Variants in BHLHE22 observed in about 807,000 individuals in gnomAD.
The protein encoded by BHLHE22 is basic helix-loop-helix family member e22.
A neutral mutation model predicts 17.6 loss-of-function variants in BHLHE22; 8 were observed. That is an observed-to-expected ratio of 0.45 (90% CI 0.27 to 0.82). The LOEUF (loss-of-function observed/expected upper bound fraction) is 0.82, where lower values mean the gene tolerates loss of function less well. BHLHE22 is among the 40% of genes least tolerant of loss of function. The pLI, the probability that BHLHE22 is intolerant of heterozygous loss-of-function variation, is 0.16. For missense variants in BHLHE22, 570 were observed against 581.5 expected (o/e 0.98, Z 0.20); for synonymous variants, 353 against 282.7 (o/e 1.25, Z -2.49).
In BHLHE22 at chr8:64,580,968, T is replaced by G; in HGVS notation, c.178T>G (p.Ser60Ala). The G allele has an allele frequency of 7.0e-7, 1 of 1,431,810 alleles. No homozygotes were observed. The highest frequency in any genetic ancestry group is 1.5e-5 in the African/African-American group (1 of 67,578). The allele number at this position is 1,431,810 out of a possible 1,614,324, so 88.7% of individuals were successfully genotyped here. A position where few individuals can be genotyped will look rare whatever the true frequency, so the allele number is the denominator to read the frequency against. ...PRERPASSSSSPLGCFEPADP... is the reference protein window; with the variant it reads ...PRERPASSSSAPLGCFEPADP... ...GGAACGCCCGGCGTCCTCCTCCTCG[T>G]CGCCCCTGGGCTGCTTCGAGCCGGC... The change falls in exon 1 of 1, where the codon TCG (serine) becomes GCG (alanine). Residue 60 changes from serine to alanine, a missense_variant. Around this residue, in one of 3 missense-constraint regions of BHLHE22, gnomAD observed 427 missense variants for 376.2 expected, o/e 1.14. Coordinates refer to ENST00000321870, the MANE Select transcript of BHLHE22 (RefSeq NM_152414.5).
chr8:64,580,878 C>G lies in BHLHE22; in HGVS notation c.88C>G (p.Arg30Gly). The G allele has an allele frequency of 1.3e-6, 2 of 1,519,286 alleles. No individual in the cohort carries two copies. Among genetic ancestry groups the G allele is most frequent in the African/African-American group, 2.9e-5 (2 of 69,422 alleles). The allele number at this position is 1,519,286 out of a possible 1,614,324, so 94.1% of individuals were successfully genotyped here. A position where few individuals can be genotyped will look rare whatever the true frequency, so the allele number is the denominator to read the frequency against. Reference protein sequence around the residue: ...HKSLSASTSKRLEAAFRSTPP... With the variant: ...HKSLSASTSKGLEAAFRSTPP... ...GAGCCTGAGCGCCTCCACCTCCAAG[C>G]GCTTGGAAGCGGCTTTCCGCTCCAC... Residue 30 changes from arginine (R) to glycine (G), a missense_variant, in exon 1 of 1, where the codon CGC becomes GGC. By Grantham distance (125) the Arg-to-Gly change is moderately radical. Around this residue, in one of 3 missense-constraint regions of BHLHE22, gnomAD observed 427 missense variants for 376.2 expected, o/e 1.14. Coordinates refer to ENST00000321870, the MANE Select transcript of BHLHE22 (RefSeq NM_152414.5).
rs771806180 is a variant in BHLHE22 at position 64,581,654 on chromosome 8, C to G, written c.864C>G (p.Leu288=). 5 of 1,613,066 alleles carry G rather than the reference C, an allele frequency of 3.1e-6. No individual in the cohort carries two copies. In the South Asian group the frequency reaches 3.3e-5, roughly 11 times the overall value. The part of the protein sequence containing the change: ...RKLSKIATLL[L]AKNYILMQAQ... ...TCTCCAAGATCGCCACGCTGCTGCT[C>G]GCCAAGAACTACATCCTCATGCAGG... Residue 288 remains leucine (L), a synonymous_variant, in exon 1 of 1, where the codon CTC becomes CTG. Transcript: ENST00000321870. This position sits in a 1 kb window ranked among gnomAD's most constrained non-coding sequence, Gnocchi z 6.4.
In BHLHE22 at chr8:64,581,463, G is replaced by GCGGCGGCAGCAGCAGCAGCA. The variant is rs564889045; in HGVS notation, c.673_674insCGGCGGCAGCAGCAGCAGCA (p.Gly225AlafsTer41). On this transcript the variant is annotated frameshift_variant, in exon 1 of 1. Coordinates refer to ENST00000321870, the MANE Select transcript of BHLHE22 (RefSeq NM_152414.5). LOFTEE classifies it high-confidence loss of function. The surrounding 1 kb of genome is among the most constrained non-coding windows in gnomAD (Gnocchi z 6.4). ...TGGCGGTAGCGGTAGCGGCAGCGGC[G>GCGGCGGCAGCAGCAGCAGCA]GCAGCAGCAGCAGCAGCAGCAGCAG... 5.5e-6 allele frequency: 8 copies of GCGGCGGCAGCAGCAGCAGCA among 1,450,650 alleles called. No homozygotes were observed. The highest frequency in any genetic ancestry group is 6.5e-6 in the Non-Finnish European group (7 of 1,072,924). 89.9% of individuals were successfully genotyped at this position (1,450,650 alleles called of 1,614,324 possible). A position where few individuals can be genotyped will look rare whatever the true frequency, so the allele number is the denominator to read the frequency against.
At position 64,581,460 on chromosome 8, in the gene BHLHE22, GGCGGCA is replaced by G. The variant is rs1554581644; in HGVS notation, c.673_678del (p.Gly225_Ser226del). On this transcript the variant is annotated inframe_deletion, in exon 1 of 1. Transcript: ENST00000321870. This position sits in a 1 kb window ranked among gnomAD's most constrained non-coding sequence, Gnocchi z 6.4. ...CGGTGGCGGTAGCGGTAGCGGCAGCGGCGGCAGCAGCAGCAGCAGCAGCAGCAGCAG... is the reference window on the plus strand; with the variant it reads ...CGGTGGCGGTAGCGGTAGCGGCAGCGGCAGCAGCAGCAGCAGCAGCAGCAG... The G allele has an allele frequency of 6.5e-6, 10 of 1,530,676 alleles. No individual in the cohort carries two copies. Among genetic ancestry groups the G allele is most frequent in the African/African-American group, 1.4e-5 (1 of 71,138 alleles). 94.8% of individuals were successfully genotyped at this position (1,530,676 alleles called of 1,614,324 possible). A position where few individuals can be genotyped will look rare whatever the true frequency, so the allele number is the denominator to read the frequency against.
chr8:64,581,362 G>T lies in BHLHE22; in HGVS notation c.572G>T (p.Gly191Val). ...GGCTGCTCCAATGCCCACCTCCACG[G>T]CGGCGCCAGCGTCCCCCCGGGGGGC... is the stretch of plus-strand genomic sequence containing the variant. The part of the protein sequence containing the change: ...AEGCSNAHLH[G>V]GASVPPGGLG... Residue 191 changes from glycine (G) to valine (V), a missense_variant, in exon 1 of 1, where the codon GGC (glycine) becomes GTC (valine). Physicochemically the swap from Gly to Val is moderately radical, Grantham distance 109. Transcript: ENST00000321870. The surrounding 1 kb of genome is among the most constrained non-coding windows in gnomAD (Gnocchi z 6.4). 1.4e-6 allele frequency: 2 copies of T among 1,471,906 alleles called. No individual in the cohort carries two copies. Among genetic ancestry groups the T allele is most frequent in the Non-Finnish European group, 1.8e-6 (2 of 1,123,408 alleles). 91.2% of individuals were successfully genotyped at this position (1,471,906 alleles called of 1,614,324 possible).
Position 64,580,855 on chromosome 8 carries a change from G to A in BHLHE22, c.65G>A (p.Ser22Asn), listed in dbSNP as rs778769048. The A allele has an allele frequency of 4.0e-6, 6 of 1,506,752 alleles. No homozygotes were observed. The African/African-American group carries it at 7.2e-5, about 18-fold the overall frequency. 93.3% of individuals were successfully genotyped at this position (1,506,752 alleles called of 1,614,324 possible). ...AGEDDLFLHKSLSASTSKRLE... is the reference protein window; with the variant it reads ...AGEDDLFLHKNLSASTSKRLE... ...GAGGACGACCTCTTCCTGCACAAGA[G>A]CCTGAGCGCCTCCACCTCCAAGCGC... is the stretch of plus-strand genomic sequence containing the variant. The change falls in exon 1 of 1, where the codon AGC becomes AAC. Residue 22 changes from serine to asparagine, a missense_variant. Physicochemically the swap from Ser to Asn is conservative, Grantham distance 46. Around this residue, in one of 3 missense-constraint regions of BHLHE22, gnomAD observed 427 missense variants for 376.2 expected, o/e 1.14. Coordinates refer to ENST00000321870, the MANE Select transcript of BHLHE22 (RefSeq NM_152414.5).
Position 64,582,902 on chromosome 8 carries a change from C to A in BHLHE22, c.*966C>A, listed in dbSNP as rs1201859498. On this transcript the variant is annotated 3_prime_UTR_variant, in exon 1 of 1. Coordinates refer to ENST00000321870, the MANE Select transcript of BHLHE22 (RefSeq NM_152414.5). ...GAGAAATATTGATGTATCTGAGCTGCTTAGGTTTATGAAAGGTCACCTGGA... is the reference window on the plus strand; with the variant it reads ...GAGAAATATTGATGTATCTGAGCTGATTAGGTTTATGAAAGGTCACCTGGA... 5 of 166,864 alleles carry A rather than the reference C, an allele frequency of 3.0e-5. No individual in the cohort carries two copies. Among genetic ancestry groups the A allele is most frequent in the Non-Finnish European group, 7.3e-5 (5 of 68,106 alleles). The allele number at this position is 166,864 out of a possible 1,614,324, so 10.3% of individuals were successfully genotyped here.
In BHLHE22 at chr8:64,581,800, C is replaced by T; in HGVS notation, c.1010C>T (p.Ala337Val). The change falls in exon 1 of 1, where the codon GCG becomes GTG. Residue 337 changes from alanine (A) to valine (V), a missense_variant. Coordinates refer to ENST00000321870, the MANE Select transcript of BHLHE22 (RefSeq NM_152414.5). The surrounding 1 kb of genome is among the most constrained non-coding windows in gnomAD (Gnocchi z 6.4). ...GCAGCAGCTGCTGCCCTGCACCCGG[C>T]GCTCGGCGCCTACGAGCAGGCAGCC... The part of the protein sequence containing the change: ...AAAAAAALHP[A>V]LGAYEQAAGY... 1 of 1,590,592 alleles carries T rather than the reference C, an allele frequency of 6.3e-7. No individual in the cohort carries two copies.
At position 64,581,036 on chromosome 8, in the gene BHLHE22, AGGCGGCGGCGGCAGCGCGGGAAGT is replaced by A. The variant is rs1329519083; in HGVS notation, c.259_282del (p.Ser87_Gly94del). 10 of 1,319,496 alleles carry A rather than the reference AGGCGGCGGCGGCAGCGCGGGAAGT, an allele frequency of 7.6e-6. No homozygotes were observed. The highest frequency in any genetic ancestry group is 2.2e-5 in the South Asian group (1 of 44,782). The allele number at this position is 1,319,496 out of a possible 1,614,324, so 81.7% of individuals were successfully genotyped here. On this transcript the variant is annotated inframe_deletion, in exon 1 of 1. Transcript: ENST00000321870. This position sits in a 1 kb window ranked among gnomAD's most constrained non-coding sequence, Gnocchi z 6.4. ...GGCTGCTGTTGCCGCCGCCTGGAGG[AGGCGGCGGCGGCAGCGCGGGAAGT>A]GGCGGCGGCGGCGGCGGCGGGGTGG... is the stretch of plus-strand genomic sequence containing the variant.
rs34856132 is a variant in BHLHE22 at position 64,581,136 on chromosome 8, C to G, written c.346C>G (p.Leu116Val). 1.4e-6 allele frequency: 2 copies of G among 1,405,578 alleles called. No individual in the cohort carries two copies. Among genetic ancestry groups the G allele is most frequent in the East Asian group, 5.7e-5 (2 of 35,192 alleles). The allele number at this position is 1,405,578 out of a possible 1,614,324, so 87.1% of individuals were successfully genotyped here. A position where few individuals can be genotyped will look rare whatever the true frequency, so the allele number is the denominator to read the frequency against. Reference sequence around the variant, plus strand: ...AGCCGGCGTTGGGGGCGACCCTAGCCTAAGCAGCCTGCCGGCCGGGGCCGC... The same window carrying G: ...AGCCGGCGTTGGGGGCGACCCTAGCGTAAGCAGCCTGCCGGCCGGGGCCGC... ...GSAGVGGDPSLSSLPAGAALC... is the reference protein window; with the variant it reads ...GSAGVGGDPSVSSLPAGAALC... Residue 116 changes from leucine (L) to valine (V), a missense_variant, in exon 1 of 1, where the codon CTA becomes GTA. Transcript: ENST00000321870. The surrounding 1 kb of genome is among the most constrained non-coding windows in gnomAD (Gnocchi z 6.4).
chr8:64,582,038 T>TG lies in BHLHE22; in HGVS notation c.*103dup. ...GGTCCTCTCGTAGTTGTGAAACACT[T>TG]GCAGAGCAAACAAAGCAGAGGCAAG... is the stretch of plus-strand genomic sequence containing the variant. On this transcript the variant is annotated 3_prime_UTR_variant, in exon 1 of 1. Transcript: ENST00000321870. 1 of 1,385,870 alleles carries TG rather than the reference T, an allele frequency of 7.2e-7. No individual in the cohort carries two copies. Among genetic ancestry groups the TG allele is most frequent in the South Asian group, 1.3e-5 (1 of 75,694 alleles). The allele number at this position is 1,385,870 out of a possible 1,614,324, so 85.8% of individuals were successfully genotyped here. A position where few individuals can be genotyped will look rare whatever the true frequency, so the allele number is the denominator to read the frequency against.
rs752489001 is a variant in BHLHE22, at chr8:64,581,197, G to A, written c.407G>A (p.Gly136Asp). Residue 136 changes from glycine to aspartate, a missense_variant, in exon 1 of 1, where the codon GGC becomes GAC. Physicochemically the swap from Gly to Asp is moderately conservative, Grantham distance 94. Around this residue, in one of 3 missense-constraint regions of BHLHE22, gnomAD observed 427 missense variants for 376.2 expected, o/e 1.14. Coordinates refer to ENST00000321870, the MANE Select transcript of BHLHE22 (RefSeq NM_152414.5). This position sits in a 1 kb window ranked among gnomAD's most constrained non-coding sequence, Gnocchi z 6.4. ...CLKYGESASR[G>D]SVAESSGGEQ... ...AAGTACGGCGAAAGCGCGAGCCGGG[G>A]CTCGGTGGCCGAGAGCAGCGGCGGC... The A allele has an allele frequency of 2.8e-6, 4 of 1,441,028 alleles. No homozygotes were observed. The highest frequency in any genetic ancestry group is 1.5e-5 in the African/African-American group (1 of 67,554). The allele number at this position is 1,441,028 out of a possible 1,614,324, so 89.3% of individuals were successfully genotyped here.
At position 64,581,930 on chromosome 8, in the gene BHLHE22, G is replaced by T; in HGVS notation, c.1140G>T (p.Lys380Asn). 1 of 1,611,484 alleles carries T rather than the reference G, an allele frequency of 6.2e-7. No homozygotes were observed. ...GCCTCTGCAAACAGTGCACGGAGAA[G>T]CCTTAAACACACCCCCGAAAAACAC... ...SSSLCKQCTE[K>N]P is the part of the protein sequence containing the mutation. Residue 380 changes from lysine (K) to asparagine (N), a missense_variant, in exon 1 of 1, where the codon AAG (lysine) becomes AAT (asparagine). By Grantham distance (94) the Lys-to-Asn change is moderately conservative. Around this residue, in one of 3 missense-constraint regions of BHLHE22, gnomAD observed 111 missense variants for 122.0 expected, o/e 0.91. Coordinates refer to ENST00000321870, the MANE Select transcript of BHLHE22 (RefSeq NM_152414.5). The surrounding 1 kb of genome is among the most constrained non-coding windows in gnomAD (Gnocchi z 6.4).
chr8:64,581,985 A>G lies in BHLHE22; in HGVS notation c.*49A>G. 1 of 1,584,376 alleles carries G rather than the reference A, an allele frequency of 6.3e-7. No individual in the cohort carries two copies. On this transcript the variant is annotated 3_prime_UTR_variant, in exon 1 of 1. Transcript: ENST00000321870. The surrounding 1 kb of genome is among the most constrained non-coding windows in gnomAD (Gnocchi z 6.4). ...CCGACCCAAAATCTAGAGGAAAGCG[A>G]AAAGCTGCTCCCCACCCCCTTTATT...
rs1286288034 is a variant in BHLHE22, at chr8:64,581,415, A to C, written c.625A>C (p.Ser209Arg). 3.9e-6 allele frequency: 6 copies of C among 1,533,364 alleles called. No individual in the cohort carries two copies. The highest frequency in any genetic ancestry group is 4.4e-6 in the Non-Finnish European group (5 of 1,145,136). 95.0% of individuals were successfully genotyped at this position (1,533,364 alleles called of 1,614,324 possible). Reference protein sequence around the residue: ...GLGGGGGGGSSSGSSGGGGGS... With the variant: ...GLGGGGGGGSRSGSSGGGGGS... Reference sequence around the variant, plus strand: ...GGGCGGCGGCGGCGGCGGGGGTAGCAGCAGCGGTAGCAGTGGCGGCGGTGG... The same window carrying C: ...GGGCGGCGGCGGCGGCGGGGGTAGCCGCAGCGGTAGCAGTGGCGGCGGTGG... Residue 209 changes from serine (S) to arginine (R), a missense_variant, in exon 1 of 1, where the codon AGC becomes CGC. By Grantham distance (110) the Ser-to-Arg change is moderately radical. This residue lies in a region of BHLHE22 where 427 missense variants were observed against 376.2 expected (regional missense o/e 1.14). Coordinates refer to ENST00000321870, the MANE Select transcript of BHLHE22 (RefSeq NM_152414.5). The surrounding 1 kb of genome is among the most constrained non-coding windows in gnomAD (Gnocchi z 6.4).
At position 64,583,320 on chromosome 8, in the gene BHLHE22, A is replaced by G. The variant is rs1345439478; in HGVS notation, c.*1384A>G. ...GAAAACTAAGGAAGAACAAGAAGCT[A>G]TTTACCCAAAGTGAGCTTTCAGTTT... On this transcript the variant is annotated 3_prime_UTR_variant, in exon 1 of 1. Coordinates refer to ENST00000321870, the MANE Select transcript of BHLHE22 (RefSeq NM_152414.5). 1.2e-5 allele frequency: 2 copies of G among 167,120 alleles called. No individual in the cohort carries two copies. The highest frequency in any genetic ancestry group is 2.1e-4 in the South Asian group (1 of 4,834). 10.4% of individuals were successfully genotyped at this position (167,120 alleles called of 1,614,324 possible). A position where few individuals can be genotyped will look rare whatever the true frequency, so the allele number is the denominator to read the frequency against.
Position 64,580,799 on chromosome 8 carries a change from C to CG in BHLHE22, c.12dup (p.Met5AspfsTer65). The CG allele has an allele frequency of 7.2e-7, 1 of 1,390,104 alleles. No individual in the cohort carries two copies. The highest frequency in any genetic ancestry group is 9.3e-7 in the Non-Finnish European group (1 of 1,071,404). 86.1% of individuals were successfully genotyped at this position (1,390,104 alleles called of 1,614,324 possible). On this transcript the variant is annotated frameshift_variant, in exon 1 of 1. Coordinates refer to ENST00000321870, the MANE Select transcript of BHLHE22 (RefSeq NM_152414.5). LOFTEE classifies it high-confidence loss of function. ...CGCGCCGGCGCGGGACCATGGAGCG[C>CG]GGGATGCACCTCGGTGCAGCGGCCG... is the stretch of plus-strand genomic sequence containing the variant.
Position 64,581,594 on chromosome 8 carries a change from G to A in BHLHE22, c.804G>A (p.Val268=), listed in dbSNP as rs761612980. ...ACGCGCTGGACGAGCTGCGCGCGGT[G>A]ATCCCCTACGCGCACAGCCCCTCGG... The part of the protein sequence containing the change: ...LNDALDELRA[V]IPYAHSPSVR... Residue 268 remains valine (V), a synonymous_variant, in exon 1 of 1, where the codon GTG becomes GTA. Transcript: ENST00000321870. This position sits in a 1 kb window ranked among gnomAD's most constrained non-coding sequence, Gnocchi z 6.4. 3.1e-6 allele frequency: 5 copies of A among 1,612,540 alleles called. No individual in the cohort carries two copies. Among genetic ancestry groups the A allele is most frequent in the Non-Finnish European group, 3.4e-6 (4 of 1,179,850 alleles).
rs943989376 is a variant in BHLHE22 at position 64,582,108 on chromosome 8, C to T, written c.*172C>T. The T allele has an allele frequency of 3.5e-6, 2 of 571,936 alleles. No homozygotes were observed. Among genetic ancestry groups the T allele is most frequent in the East Asian group, 4.5e-5 (1 of 22,060 alleles). 35.4% of individuals were successfully genotyped at this position (571,936 alleles called of 1,614,324 possible). A position where few individuals can be genotyped will look rare whatever the true frequency, so the allele number is the denominator to read the frequency against. On this transcript the variant is annotated 3_prime_UTR_variant, in exon 1 of 1. Coordinates refer to ENST00000321870, the MANE Select transcript of BHLHE22 (RefSeq NM_152414.5). ...AGACAAACGGGACTTTTAGCCTTGA[C>T]ATCCCCAGAATCTCGGTCTTTGGGG...
Sources: allele counts gnomAD v4.1 joint callset, GRCh38; gene constraint gnomAD v4.1.1; regional missense constraint gnomAD v4.1.1; non-coding constraint Gnocchi (gnomAD v3.1); transcripts MANE v1.5; gene names NCBI Gene and HGNC (gene_info 2026-07-23, HGNC 2026-07-21).